GRID1: variants seen among roughly 807,000 people sequenced by gnomAD.
GRID1 encodes glutamate receptor ionotropic, delta-1.
Under a neutral mutation model 98.0 loss-of-function variants are expected in GRID1, and 28 were observed. The ratio of observed to expected loss-of-function variants is 0.29; its 90% CI spans 0.21 to 0.39. The LOEUF (loss-of-function observed/expected upper bound fraction) is 0.39, where lower values mean the gene tolerates loss of function less well. Ranked by LOEUF, GRID1 falls within the 10% of genes least tolerant of loss-of-function variation. The pLI, the probability that GRID1 is intolerant of heterozygous loss-of-function variation, is 1.00. For missense variants in GRID1, 1,111 were observed against 1,340.5 expected, an observed-to-expected ratio of 0.83 and a Z score of 2.67; for synonymous variants, 553 against 538.5, an observed-to-expected ratio of 1.03 and a Z score of -0.37.
At chr10:85,707,250 TCAAA>T (rs1330623479) in intron 12 of GRID1, among the ~76,000 whole-genome samples, 3 of 151,780 alleles carry the variant, frequency 2.0e-5, no homozygotes, top group African/African-American at 7.3e-5. Context: ...TACTATGAAC[TCAAA>T]CAAATTTACA....
intron 12 of GRID1, among the ~76,000 whole-genome samples, chr10:85,687,244 T>TAA (rs570422294): frequency 0.031 from 4,561 of 148,634 alleles, 196 homozygotes; most frequent in African/African-American, 0.1. Context: ...CAAAGTCAAG[T>TAA]AAAAAAAAAA....
chr10:85,622,215 C>A (rs543821380), intron 13 of GRID1, among the ~76,000 whole-genome samples: 17 of 151,802 alleles, frequency 1.1e-4, no homozygotes, highest in African/African-American at 4.1e-4. Context: ...CATTTATAGT[C>A]CTGCTGGCCT....
At chr10:86,176,123 G>A (rs192427925) in intron 3 of GRID1, among the ~76,000 whole-genome samples, 58 of 152,340 alleles carry the variant, frequency 3.8e-4, no homozygotes, top group African/African-American at 1.2e-3. Flanking sequence ...CATTACAGGC[G>A]TCAGCTGCTG....
chr10:85,625,693 C>T (rs1240798921), intron 13 of GRID1, among the ~76,000 whole-genome samples: 1 of 152,158 alleles, frequency 6.6e-6, no homozygotes, highest in Admixed American at 6.5e-5. Context: ...AAAAAATTGA[C>T]ATGGTGAGGG....
intron 8 of GRID1, among the ~76,000 whole-genome samples, chr10:85,852,273 C>G (rs1843066809): frequency 6.6e-6 from 1 of 152,214 alleles, no homozygotes; most frequent in Non-Finnish European, 1.5e-5. Flanking sequence ...GCTTCCCTTC[C>G]AACTCAATTA....
intron 3 of GRID1, among the ~76,000 whole-genome samples, chr10:86,168,676 T>C (rs576808689): frequency 1.3e-5 from 2 of 152,264 alleles, no homozygotes; most frequent in East Asian, 3.9e-4. Context: ...TGAGTAAGGC[T>C]GGCAGGGAAA....
At chr10:86,361,032 C>T (rs1213811576) in intron 2 of GRID1, among the ~76,000 whole-genome samples, 3 of 152,206 alleles carry the variant, frequency 2.0e-5, no homozygotes, top group Admixed American at 2.0e-4. Flanking sequence ...TTTTTCTTTC[C>T]TACTCAACCT....
intron 4 of GRID1, among the ~76,000 whole-genome samples, chr10:85,966,206 A>C (rs1842334438): frequency 6.6e-6 from 1 of 152,240 alleles, no homozygotes; most frequent in Admixed American, 6.5e-5. Flanking sequence ...ATTGTTTAGC[A>C]TCACAAATAC....
intron 10 of GRID1, among the ~76,000 whole-genome samples, chr10:85,727,455 T>C (rs562901524): frequency 6.6e-6 from 1 of 152,270 alleles, no homozygotes; most frequent in Non-Finnish European, 1.5e-5. Flanking sequence ...AATGTAGACA[T>C]ACACACATAT....
At chr10:86,260,180 C>A (rs1187338359) in intron 2 of GRID1, among the ~76,000 whole-genome samples, 1 of 152,218 alleles carries the variant, frequency 6.6e-6, no homozygotes, top group Non-Finnish European at 1.5e-5. Context: ...TGAGTACCAA[C>A]CACGTGGCTT....
intron 8 of GRID1, among the ~76,000 whole-genome samples, chr10:85,802,537 T>G (rs1014350698): frequency 1.3e-5 from 2 of 152,106 alleles, no homozygotes; most frequent in African/African-American, 4.8e-5. Context: ...CTTTTAAAAA[T>G]GAAATTGTAT....
At chr10:85,935,583 C>T (rs1215306308) in intron 4 of GRID1, among the ~76,000 whole-genome samples, 3 of 152,184 alleles carry the variant, frequency 2.0e-5, no homozygotes, top group Admixed American at 1.3e-4. Flanking sequence ...CACAGCTCAG[C>T]CCCTCTGTAC....
Position 85,601,188 on chromosome 10 carries a change from A to T in GRID1, c.*1085T>A, listed in dbSNP as rs1057044963. 6.6e-6 allele frequency: 1 copy of T among 152,134 alleles called. No homozygotes were observed. The highest frequency in any genetic ancestry group is 2.4e-5 in the African/African-American group (1 of 41,094). The allele number at this position is 152,134 out of a possible 1,614,324, so 9.4% of individuals were successfully genotyped here. A position where few individuals can be genotyped will look rare whatever the true frequency, so the allele number is the denominator to read the frequency against. ...CATCACCTGGAGTACTGGTCCACCC[A>T]CCTGGGCACCTCCCCCAACTCTTAC... On this transcript the variant is annotated 3_prime_UTR_variant, in exon 16 of 16. Transcript: ENST00000327946.
chr10:86,005,264 C>G (rs1485828379), intron 4 of GRID1, among the ~76,000 whole-genome samples: 1 of 152,000 alleles, frequency 6.6e-6, no homozygotes, highest in Non-Finnish European at 1.5e-5. Context: ...CCATCTTATA[C>G]TGTGTGATAC....
chr10:86,153,307 C>T (rs372133532), intron 3 of GRID1, among the ~76,000 whole-genome samples: 31 of 152,316 alleles, frequency 2.0e-4, no homozygotes, highest in African/African-American at 7.2e-4. Context: ...GGGCTGGAGC[C>T]CATCCTACCA....
At chr10:85,720,889 T>C (rs564598086) in intron 12 of GRID1, among the ~76,000 whole-genome samples, 5 of 152,260 alleles carry the variant, frequency 3.3e-5, no homozygotes, top group African/African-American at 1.2e-4. Flanking sequence ...TAAAACCTTT[T>C]CATGGTGAAA....
chr10:85,754,383 G>A (rs1157508360), intron 8 of GRID1, among the ~76,000 whole-genome samples: 2 of 152,162 alleles, frequency 1.3e-5, no homozygotes, highest in African/African-American at 4.8e-5. Context: ...TGGTCTAGAA[G>A]GGAGAAAGAT....
intron 8 of GRID1, among the ~76,000 whole-genome samples, chr10:85,817,991 G>T (rs1019862617): frequency 6.6e-6 from 1 of 152,220 alleles, no homozygotes; most frequent in Non-Finnish European, 1.5e-5. Flanking sequence ...TGGAAACAGT[G>T]ATTTGCTTGG....
At chr10:86,237,747 C>T (rs1846564225) in intron 2 of GRID1, among the ~76,000 whole-genome samples, 2 of 150,280 alleles carry the variant, frequency 1.3e-5, no homozygotes, top group Admixed American at 1.3e-4. Flanking sequence ...CTCTCCTTCT[C>T]CCTCTCCTGC....
Sources: gnomAD v4.1 joint callset for allele counts (sites outside exome capture counted in the v4.1 genomes callset) on GRCh38, gnomAD v4.1.1 for gene constraint, MANE v1.5 for transcripts, NCBI Gene and HGNC (gene_info 2026-07-23, HGNC 2026-07-21) for gene names.